The following ARHGAP29 variants were observed in gnomAD, a reference collection of about 807,000 sequenced individuals.
ARHGAP29 encodes the protein Rho GTPase activating protein 29, also known as rho GTPase-activating protein 29.
ARHGAP29 carries 43 observed loss-of-function variants against 122.6 expected under a neutral mutation model. The ratio of observed to expected loss-of-function variants is 0.35; its 90% CI spans 0.27 to 0.45. The LOEUF (loss-of-function observed/expected upper bound fraction) is 0.45, where lower values mean the gene tolerates loss of function less well. Among genes scored for constraint, ARHGAP29 ranks in the 20% least tolerant of loss-of-function variants. ARHGAP29 has a pLI of 1.00. For missense variants in ARHGAP29, 1,303 were observed against 1,477.2 expected, an observed-to-expected ratio of 0.88 and a Z score of 1.93; for synonymous variants, 506 against 497.1, an observed-to-expected ratio of 1.02 and a Z score of -0.24.
upstream of ARHGAP29, among the ~76,000 whole-genome samples, chr1:94,277,652 A>G (rs553298905): frequency 7.2e-5 from 11 of 152,330 alleles, no homozygotes; most frequent in South Asian, 2.3e-3. Context: ...GAGGAGGACC[A>G]TTCTATTTTA....
chr1:94,236,851 T>A (rs189007653), intron 1 of ARHGAP29, among the ~76,000 whole-genome samples: 3 of 150,566 alleles, frequency 2.0e-5, no homozygotes, highest in African/African-American at 7.3e-5. Flanking sequence ...CCAACTGGAG[T>A]GAGGGCTGCA....
chr1:94,305,574 C>A, the ARHGAP29 span, among the ~76,000 whole-genome samples: 6 of 152,110 alleles, frequency 3.9e-5, no homozygotes, highest in Non-Finnish European at 5.9e-5. Context: ...GAAGGATGAA[C>A]AAGACTATTT....
chr1:94,219,408 A>C (rs2079831333), intron 3 of ARHGAP29, among the ~76,000 whole-genome samples: 1 of 152,052 alleles, frequency 6.6e-6, no homozygotes, highest in Non-Finnish European at 1.5e-5. Context: ...TTACCTATAC[A>C]TCAACAATTC....
intron 1 of ARHGAP29, among the ~76,000 whole-genome samples, chr1:94,265,740 T>A (rs1216714996): frequency 1.3e-5 from 2 of 152,204 alleles, no homozygotes; most frequent in East Asian, 1.9e-4. Flanking sequence ...AGTGACTTTT[T>A]CCTTAGACCT....
chr1:94,222,727 T>A (rs984783592), intron 2 of ARHGAP29, among the ~76,000 whole-genome samples: 6 of 152,206 alleles, frequency 3.9e-5, no homozygotes, highest in Non-Finnish European at 8.8e-5. Flanking sequence ...TAATAATGCA[T>A]CATTTTATTA....
At chr1:94,209,420 C>T in intron 3 of ARHGAP29, 70 bp from the exon 4 acceptor site, 2 of 923,256 alleles carry the variant, frequency 2.2e-6, no homozygotes, top group Non-Finnish European at 3.2e-6. Flanking sequence ...ATCATTTAAT[C>T]CTTTAAAACT....
In ARHGAP29 at chr1:94,170,703, A is replaced by T. The variant is rs7412971; in HGVS notation, c.*3166T>A. Among the ~76,000 whole-genome samples the T allele has an allele frequency of 0.24, 35,827 of 152,114 alleles. 4,417 individuals carry two copies. The highest frequency in any genetic ancestry group is 0.27 in the Middle Eastern group (78 of 294). ...GATTACATTGAATCTACAAATGTAA[A>T]TGAACATCTTTACACGACTGAGTCT... is the stretch of plus-strand genomic sequence containing the variant. On this transcript the variant is annotated 3_prime_UTR_variant, in exon 23 of 23. Coordinates refer to ENST00000260526, the MANE Select transcript of ARHGAP29 (RefSeq NM_004815.4).
At chr1:94,311,365 C>T in the ARHGAP29 span, among the ~76,000 whole-genome samples, 1 of 152,112 alleles carries the variant, frequency 6.6e-6, no homozygotes, top group Admixed American at 6.6e-5. Context: ...TTTCTTCTCT[C>T]CCTCTCTCTC....
the ARHGAP29 span, among the ~76,000 whole-genome samples, chr1:94,298,451 A>G: frequency 6.6e-6 from 1 of 152,192 alleles, no homozygotes; most frequent in Non-Finnish European, 1.5e-5. Flanking sequence ...ACTATTTTCA[A>G]CTTTTAACGA....
rs559416378 is a variant in ARHGAP29 at position 94,202,306 on chromosome 1, A to G, written c.1143+238T>C. 5.8e-5 allele frequency: 34 copies of G among 584,456 alleles called. No individual in the cohort carries two copies. The South Asian group carries it at 7.7e-4, about 13-fold the overall frequency. 36.2% of individuals were successfully genotyped at this position (584,456 alleles called of 1,614,324 possible). ...TCTAAGACATTCTTTCACAAACTCC[A>G]AAATTCAGGTCTCAGCATAGTGGTT... On this transcript the variant is annotated intron_variant, in intron 11 of 22. Transcript: ENST00000260526.
intron 18 of ARHGAP29, 131 bp from the exon 19 acceptor site, chr1:94,184,419 C>G: frequency 1.4e-6 from 1 of 729,210 alleles, no homozygotes; most frequent in Admixed American, 3.3e-5. Context: ...TAGAAAAAAA[C>G]TATTCAAGGC....
intron 1 of ARHGAP29, among the ~76,000 whole-genome samples, chr1:94,244,076 T>C (rs546820143): frequency 6.6e-6 from 1 of 151,974 alleles, no homozygotes; most frequent in African/African-American, 2.4e-5. Context: ...GCTTCACTGA[T>C]AAAATTCACT....
At chr1:94,201,365 A>G (rs1242164825) in intron 12 of ARHGAP29, among the ~76,000 whole-genome samples, 1 of 152,172 alleles carries the variant, frequency 6.6e-6, no homozygotes, top group Non-Finnish European at 1.5e-5. Flanking sequence ...CATTTCATTA[A>G]TCTCAGAATC....
intron 1 of ARHGAP29, among the ~76,000 whole-genome samples, chr1:94,246,984 G>C (rs376103951): frequency 6.6e-6 from 1 of 152,126 alleles, no homozygotes; most frequent in East Asian, 1.9e-4. Context: ...CGGTGAGAAT[G>C]CGCAAGACGG....
chr1:94,172,276 C>T lies in ARHGAP29; in HGVS notation c.*1593G>A, dbSNP rs957459594. 2.8e-4 allele frequency: 43 copies of T among 152,060 alleles called. No individual in the cohort carries two copies. The highest frequency in any genetic ancestry group is 1.0e-3 in the African/African-American group (43 of 41,412). 9.4% of individuals were successfully genotyped at this position (152,060 alleles called of 1,614,324 possible). A position where few individuals can be genotyped will look rare whatever the true frequency, so the allele number is the denominator to read the frequency against. ...TTGAAATAAAATAATCTATGTAGCA[C>T]CTTGGCAAAGTTCCTGGCACACAGA... On this transcript the variant is annotated 3_prime_UTR_variant, in exon 23 of 23. Coordinates refer to ENST00000260526, the MANE Select transcript of ARHGAP29 (RefSeq NM_004815.4).
chr1:94,208,717 C>T, intron 5 of ARHGAP29, 115 bp downstream of exon 5: 1 of 991,486 alleles, frequency 1.0e-6, no homozygotes, highest in Non-Finnish European at 1.5e-6. Flanking sequence ...ACCTCGGCCT[C>T]CCAAAGTGCT....
chr1:94,174,960 A>C (rs1338964227), intron 22 of ARHGAP29, among the ~76,000 whole-genome samples: 1 of 152,192 alleles, frequency 6.6e-6, no homozygotes, highest in African/African-American at 2.4e-5. Flanking sequence ...TACTCATTTA[A>C]ATCAACATGA....
intron 12 of ARHGAP29, chr1:94,196,085 T>C (rs1344138638): frequency 1.3e-5 from 2 of 152,020 alleles, no homozygotes; most frequent in Non-Finnish European, 2.9e-5. Flanking sequence ...AGGTAAATCA[T>C]CAAGAATACA....
At chr1:94,268,186 T>C (rs999001534) in intron 1 of ARHGAP29, among the ~76,000 whole-genome samples, 2 of 152,232 alleles carry the variant, frequency 1.3e-5, no homozygotes, top group African/African-American at 4.8e-5. Flanking sequence ...AATTTAAATA[T>C]TTGTATTACA....
Sources: allele counts gnomAD v4.1 joint callset (sites outside exome capture counted in the v4.1 genomes callset), GRCh38; gene constraint gnomAD v4.1.1; transcripts MANE v1.5; gene names NCBI Gene and HGNC (gene_info 2026-07-23, HGNC 2026-07-21).